Variants in COX16 observed in about 807,000 individuals in gnomAD.
COX16 encodes cytochrome c oxidase assembly factor COX16, also known as cytochrome c oxidase assembly protein COX16 homolog, mitochondrial.
COX16 carries 12 observed loss-of-function variants against 15.4 expected under a neutral mutation model. The ratio of observed to expected loss-of-function variants is 0.78; its 90% CI spans 0.50 to 1.26. The LOEUF (loss-of-function observed/expected upper bound fraction) is 1.26. Among genes scored for constraint, COX16 ranks in the 50% most tolerant of loss-of-function variants. The probability of loss-of-function intolerance (pLI) is 0.00; values close to 1 mark genes in which losing one functional copy is unlikely to be tolerated. For missense variants in COX16, 124 were observed against 127.6 expected (o/e 0.97, Z 0.14); for synonymous variants, 46 against 41.1 (o/e 1.12, Z -0.46).
chr14:70,359,383 C>T (rs1454438600), intron 1 of COX16, 136 bp downstream of exon 1: 4 of 763,238 alleles, frequency 5.2e-6, no homozygotes, highest in Non-Finnish European at 9.2e-6. Flanking sequence ...TAGGAAAGCT[C>T]TCACCCCGTC....
At chr14:70,359,313 C>T (rs1887225558) in intron 1 of COX16, 1 of 651,290 alleles carries the variant, frequency 1.5e-6, no homozygotes, top group Non-Finnish European at 2.8e-6. Context: ...GAAATCCAAC[C>T]GGGAGTGGGG....
chr14:70,329,205 T>G lies in COX16; in HGVS notation c.173A>C (p.Glu58Ala), dbSNP rs1394295433. 1 of 1,608,354 alleles carries G rather than the reference T, an allele frequency of 6.2e-7. No individual in the cohort carries two copies. Among genetic ancestry groups the G allele is most frequent in the Non-Finnish European group, 8.5e-7 (1 of 1,177,120 alleles). Reference sequence around the variant, plus strand: ...TTCCGACTCTAAAGATATTTTATTCTCTTTCAGTTTTTTTTCAAGCTCAGG... The same window carrying G: ...TTCCGACTCTAAAGATATTTTATTCGCTTTCAGTTTTTTTTCAAGCTCAGG... ...MDPELEKKLK[E>A]NKISLESEYE... is the part of the protein sequence containing the mutation. The change falls in exon 3 of 4, where the codon GAG becomes GCG. Residue 58 changes from glutamate (E) to alanine (A), a missense_variant. Transcript: ENST00000389912.
At chr14:70,328,568 T>C (rs899060631) in intron 3 of COX16, among the ~76,000 whole-genome samples, 48 of 151,972 alleles carry the variant, frequency 3.2e-4, no homozygotes, top group Admixed American at 1.8e-3. Context: ...TCGTTAGACT[T>C]TGACATTCCT....
At chr14:70,340,039 TCTC>T (rs1268166443) in intron 2 of COX16, among the ~76,000 whole-genome samples, 2 of 152,186 alleles carry the variant, frequency 1.3e-5, no homozygotes, top group East Asian at 3.9e-4. Flanking sequence ...CCTCCCCTGT[TCTC>T]CTTAACTGGG....
intron 3 of COX16, chr14:70,328,104 G>T (rs1191995363): frequency 3.2e-5 from 1 of 31,668 alleles, no homozygotes; most frequent in Non-Finnish European, 6.3e-5. Context: ...TTTTGAGACG[G>T]AGTCTCGTTC....
At chr14:70,349,181 T>C (rs984736403) in intron 1 of COX16, among the ~76,000 whole-genome samples, 13 of 152,204 alleles carry the variant, frequency 8.5e-5, no homozygotes, top group Non-Finnish European at 1.9e-4. Flanking sequence ...TCCAGCTATG[T>C]TCAAGATATT....
intron 2 of COX16, among the ~76,000 whole-genome samples, chr14:70,330,859 GAAAA>G (rs1206352910): frequency 6.6e-6 from 1 of 151,718 alleles, no homozygotes; most frequent in African/African-American, 2.4e-5. Flanking sequence ...TACAAAAAAA[GAAAA>G]AAATCAATTC....
chr14:70,339,997 C>G (rs1032397462), intron 2 of COX16, among the ~76,000 whole-genome samples: 1 of 152,180 alleles, frequency 6.6e-6, no homozygotes, highest in Non-Finnish European at 1.5e-5. Context: ...TTTACTTTGA[C>G]TCCATTTCCT....
chr14:70,347,127 A>T (rs1261917317), intron 1 of COX16, among the ~76,000 whole-genome samples: 1 of 152,010 alleles, frequency 6.6e-6, no homozygotes, highest in Non-Finnish European at 1.5e-5. Flanking sequence ...CAGAAGCAGT[A>T]TCCCATCCCC....
Position 70,359,621 on chromosome 14 carries a change from C to T in COX16, c.-34G>A. ...TCTTCCATCGGCTCAGAACTCCAAG[C>T]GGGCCTAGCGCAGACTCCCAAATCT... On this transcript the variant is annotated 5_prime_UTR_variant, in exon 1 of 4. Coordinates refer to ENST00000389912, the MANE Select transcript of COX16 (RefSeq NM_016468.7). 2 of 1,604,172 alleles carry T rather than the reference C, an allele frequency of 1.2e-6. No homozygotes were observed. The highest frequency in any genetic ancestry group is 1.7e-6 in the Non-Finnish European group (2 of 1,171,224).
chr14:70,344,127 A>G (rs1479108886), intron 1 of COX16, among the ~76,000 whole-genome samples: 1 of 152,214 alleles, frequency 6.6e-6, no homozygotes, highest in African/African-American at 2.4e-5. Context: ...CATCCAGTGC[A>G]GGGTCTGCAA....
In COX16 at chr14:70,347,008, TC is replaced by T. The variant is rs1003493928; in HGVS notation, c.70-4280del. Among the ~76,000 whole-genome samples, 6 of 151,924 alleles carry T rather than the reference TC, an allele frequency of 3.9e-5. No homozygotes were observed. In the East Asian group the frequency reaches 7.7e-4, roughly 20 times the overall value. ...CCTTAAAACATGCAACTTTACCTTATCCCCCATCCGTAGTTAACCCCGCTGT... is the reference window on the plus strand; with the variant it reads ...CCTTAAAACATGCAACTTTACCTTATCCCCATCCGTAGTTAACCCCGCTGT... On this transcript the variant is annotated intron_variant, in intron 1 of 3. Coordinates refer to ENST00000389912, the MANE Select transcript of COX16 (RefSeq NM_016468.7).
intron 2 of COX16, among the ~76,000 whole-genome samples, chr14:70,330,771 C>G (rs1886257946): frequency 6.6e-6 from 1 of 152,082 alleles, no homozygotes; most frequent in Non-Finnish European, 1.5e-5. Flanking sequence ...GAAGAGCAGT[C>G]ACGAAACAAT....
rs2140721068 is a variant in COX16 at position 70,342,732 on chromosome 14, A to T, written c.70-3T>A. On this transcript the variant is annotated splice_polypyrimidine_tract_variant and splice_region_variant and intron_variant, in intron 1 of 3. Coordinates refer to ENST00000389912, the MANE Select transcript of COX16 (RefSeq NM_016468.7). ...AAAGAACCTCCAACAATCAGCAACT[A>T]AAACAAAGAAAGGAAACATTTAAGC... 2.5e-6 allele frequency: 4 copies of T among 1,611,644 alleles called. No individual in the cohort carries two copies. In the East Asian group the frequency reaches 8.9e-5, roughly 36 times the overall value.
At chr14:70,353,675 G>A (rs1431575834) in intron 1 of COX16, among the ~76,000 whole-genome samples, 5 of 151,586 alleles carry the variant, frequency 3.3e-5, no homozygotes, top group African/African-American at 9.7e-5. Flanking sequence ...CACCACACTC[G>A]ACTAATTTTT....
At chr14:70,326,675 TA>T (rs1886088854) in intron 3 of COX16, among the ~76,000 whole-genome samples, 1 of 152,132 alleles carries the variant, frequency 6.6e-6, no homozygotes, top group South Asian at 2.1e-4. Flanking sequence ...ACCTTAACCG[TA>T]AAACTATTAA....
chr14:70,352,296 C>T (rs1594926117), intron 1 of COX16, among the ~76,000 whole-genome samples: 1 of 152,110 alleles, frequency 6.6e-6, no homozygotes, highest in African/African-American at 2.4e-5. Context: ...AAGCAATTCT[C>T]CTGCCTCAGC....
rs749888519 is a variant in COX16, at chr14:70,359,532, C to T, written c.56G>A (p.Gly19Glu). 3 of 1,613,966 alleles carry T rather than the reference C, an allele frequency of 1.9e-6. No homozygotes were observed. Among genetic ancestry groups the T allele is most frequent in the Non-Finnish European group, 2.5e-6 (3 of 1,179,948 alleles). The change falls in exon 1 of 4, where the codon GGA becomes GAA. Residue 19 changes from glycine to glutamate, a missense_variant. Physicochemically the swap from Gly to Glu is moderately conservative, Grantham distance 98. Transcript: ENST00000389912. Reference protein sequence around the residue: ...AFRKNKTLGYGVPMLLLIVGG... With the variant: ...AFRKNKTLGYEVPMLLLIVGG... ...CACTCCACTCACCAACATGGGGACTCCATAGCCGAGAGTCTTGTTCTTGCG... is the reference window on the plus strand; with the variant it reads ...CACTCCACTCACCAACATGGGGACTTCATAGCCGAGAGTCTTGTTCTTGCG...
At chr14:70,350,210 T>C (rs533916700) in intron 1 of COX16, among the ~76,000 whole-genome samples, 36 of 152,242 alleles carry the variant, frequency 2.4e-4, no homozygotes, top group African/African-American at 7.5e-4. Context: ...GCCAGGAAGA[T>C]AGCAGAAGCA....
Sources: allele counts gnomAD v4.1 joint callset (sites outside exome capture counted in the v4.1 genomes callset), GRCh38; gene constraint gnomAD v4.1.1; transcripts MANE v1.5; gene names NCBI Gene and HGNC (gene_info 2026-07-23, HGNC 2026-07-21).